PARD3B: variants seen among roughly 807,000 people sequenced by gnomAD.
The protein encoded by PARD3B is par-3 family cell polarity regulator beta.
A neutral mutation model predicts 130.2 loss-of-function variants in PARD3B; 103 were observed. The observed-to-expected ratio is 0.79, with a 90% CI of 0.67 to 0.93. PARD3B has a LOEUF of 0.93. Among genes scored for constraint, PARD3B ranks in the 40% least tolerant of loss-of-function variants. The pLI is 0.00. For synonymous variants in PARD3B, 583 were observed against 553.2 expected (o/e 1.05, Z -0.76); for missense variants, 1,609 against 1,499.2 (o/e 1.07, Z -1.21).
chr2:204,639,171 G>T (rs942143832), intron 1 of PARD3B, among the ~76,000 whole-genome samples: 2 of 152,184 alleles, frequency 1.3e-5, no homozygotes, highest in African/African-American at 4.8e-5. Flanking sequence ...GGGAGTAGAA[G>T]TTGAAGGACA....
chr2:204,610,988 C>T lies in PARD3B; in HGVS notation c.120+64869C>T, dbSNP rs187346423. Among the ~76,000 whole-genome samples, 163 of 152,318 alleles carry T rather than the reference C, an allele frequency of 1.1e-3. No homozygotes were observed. The highest frequency in any genetic ancestry group is 3.6e-3 in the African/African-American group (148 of 41,578). ...TCCTGCTTTTCGAAATCATTTCTCT[C>T]ATACCATCCCTCCAGCAGCGGTCAG... On this transcript the variant is annotated intron_variant, in intron 1 of 22. Coordinates refer to ENST00000406610, the MANE Select transcript of PARD3B (RefSeq NM_001302769.2). This position sits in a 1 kb window ranked among gnomAD's most constrained non-coding sequence, Gnocchi z 4.1.
chr2:204,645,246 C>G (rs572771783), intron 1 of PARD3B, among the ~76,000 whole-genome samples: 4 of 152,106 alleles, frequency 2.6e-5, no homozygotes, highest in Non-Finnish European at 5.9e-5. Context: ...GGGGAAACCT[C>G]AGGCCCTCTG....
intron 20 of PARD3B, among the ~76,000 whole-genome samples, chr2:205,494,784 C>T (rs531461507): frequency 5.3e-4 from 81 of 152,278 alleles, no homozygotes; most frequent in African/African-American, 1.9e-3. Context: ...AGAAACAGCG[C>T]TGGTTGGGAG....
In PARD3B at chr2:205,301,624, C is replaced by T; in HGVS notation, c.2553C>T (p.Val851=). Reference sequence around the variant, plus strand: ...AAAAGGAAAAGGGCAAATTGAAAGTCAAGGAGAAAAAGCGCAAAGAGGAGA... The same window carrying T: ...AAAAGGAAAAGGGCAAATTGAAAGTTAAGGAGAAAAAGCGCAAAGAGGAGA... The part of the protein sequence containing the change: ...EKKKEKGKLK[V]KEKKRKEENE... Residue 851 remains valine, a synonymous_variant, in exon 18 of 23, where the codon GTC becomes GTT. Coordinates refer to ENST00000406610, the MANE Select transcript of PARD3B (RefSeq NM_001302769.2). The surrounding 1 kb of genome is among the most constrained non-coding windows in gnomAD (Gnocchi z 5.2). The T allele has an allele frequency of 6.2e-7, 1 of 1,613,124 alleles. No individual in the cohort carries two copies. Among genetic ancestry groups the T allele is most frequent in the African/African-American group, 1.3e-5 (1 of 74,902 alleles).
chr2:205,189,119 G>C (rs1305829462), intron 14 of PARD3B, among the ~76,000 whole-genome samples: 1 of 152,082 alleles, frequency 6.6e-6, no homozygotes, highest in African/African-American at 2.4e-5. Flanking sequence ...ACAACATTGG[G>C]CTATTCCCCA....
At chr2:204,850,010 T>C (rs987471729) in intron 2 of PARD3B, among the ~76,000 whole-genome samples, 8 of 152,192 alleles carry the variant, frequency 5.3e-5, no homozygotes, top group African/African-American at 1.9e-4. Flanking sequence ...TATGTGCACA[T>C]ATCTATGCAT....
At chr2:204,789,689 C>A (rs533641063) in intron 2 of PARD3B, among the ~76,000 whole-genome samples, 152 of 152,154 alleles carry the variant, frequency 1.0e-3, no homozygotes, top group Non-Finnish European at 1.7e-3. Flanking sequence ...CTTTCTAAAT[C>A]TAGTCTATTT....
At chr2:205,103,017 G>A (rs1032833863) in intron 4 of PARD3B, among the ~76,000 whole-genome samples, 26 of 151,730 alleles carry the variant, frequency 1.7e-4, no homozygotes, top group African/African-American at 2.9e-4. Flanking sequence ...GCAGTGAGCC[G>A]AGATCATGCC....
At chr2:205,245,452 ACATCCC>A (rs2039530948) in intron 15 of PARD3B, among the ~76,000 whole-genome samples, 1 of 152,216 alleles carries the variant, frequency 6.6e-6, no homozygotes, top group East Asian at 1.9e-4. Context: ...TATATTGTAT[ACATCCC>A]TGGGTCTATG....
intron 18 of PARD3B, among the ~76,000 whole-genome samples, chr2:205,320,253 A>G: frequency 7.0e-6 from 1 of 142,446 alleles, no homozygotes; most frequent in African/African-American, 3.0e-5. Flanking sequence ...TGAAGGAAGG[A>G]AGGAAGGAAA....
At chr2:204,687,695 G>A (rs1209139522) in intron 2 of PARD3B, among the ~76,000 whole-genome samples, 1 of 152,160 alleles carries the variant, frequency 6.6e-6, no homozygotes, top group Non-Finnish European at 1.5e-5. Flanking sequence ...AGGGTTTTTA[G>A]TTCTTTCACC....
At chr2:204,645,316 G>A (rs1023402499) in intron 1 of PARD3B, among the ~76,000 whole-genome samples, 3 of 152,084 alleles carry the variant, frequency 2.0e-5, no homozygotes, top group South Asian at 2.1e-4. Context: ...AAAATAAAGT[G>A]TGTCCATTGA....
intron 5 of PARD3B, among the ~76,000 whole-genome samples, chr2:205,106,135 T>A (rs1050929420): frequency 2.6e-4 from 40 of 151,430 alleles, no homozygotes; most frequent in Non-Finnish European, 8.8e-5. Flanking sequence ...ATATATTCTT[T>A]TATTTATTTA....
At chr2:205,337,728 C>T (rs1030691751) in intron 18 of PARD3B, among the ~76,000 whole-genome samples, 1 of 152,214 alleles carries the variant, frequency 6.6e-6, no homozygotes, top group Non-Finnish European at 1.5e-5. Flanking sequence ...TAAATATAAT[C>T]ATAACTTACT....
chr2:204,548,164 G>A (rs546074254), intron 1 of PARD3B, among the ~76,000 whole-genome samples: 2 of 152,030 alleles, frequency 1.3e-5, no homozygotes, highest in African/African-American at 4.8e-5. Flanking sequence ...ATTCATAATG[G>A]CACTAAAAGG....
chr2:205,039,123 A>G (rs904129759), intron 3 of PARD3B, among the ~76,000 whole-genome samples: 1 of 151,674 alleles, frequency 6.6e-6, no homozygotes, highest in African/African-American at 2.4e-5. Flanking sequence ...TTTTTTTGGC[A>G]TCAGCTGAAA....
chr2:204,932,888 TA>T (rs1192079251), intron 2 of PARD3B, among the ~76,000 whole-genome samples: 1 of 152,204 alleles, frequency 6.6e-6, no homozygotes, highest in Admixed American at 6.5e-5. Flanking sequence ...CTGGTAGTGG[TA>T]ACCCCAGGGT....
intron 13 of PARD3B, among the ~76,000 whole-genome samples, chr2:205,182,001 T>C (rs527618191): frequency 7.9e-5 from 12 of 152,196 alleles, no homozygotes; most frequent in African/African-American, 2.6e-4. Context: ...GTTTAAAAAA[T>C]GTAACAAGGG....
chr2:204,746,825 GTTGT>G (rs1457898945), intron 2 of PARD3B, among the ~76,000 whole-genome samples: 1 of 151,882 alleles, frequency 6.6e-6, no homozygotes, highest in Non-Finnish European at 1.5e-5. Context: ...TTGTGATGGG[GTTGT>G]TTTTTTCTTG....
Sources: gnomAD v4.1 joint callset for allele counts (sites outside exome capture counted in the v4.1 genomes callset) on GRCh38, gnomAD v4.1.1 for gene constraint, Gnocchi (gnomAD v3.1) non-coding constraint, MANE v1.5 for transcripts, NCBI Gene and HGNC (gene_info 2026-07-23, HGNC 2026-07-21) for gene names.